Variants in GRWD1 observed in about 807,000 individuals in gnomAD.
The protein encoded by GRWD1 is glutamate-rich WD repeat-containing protein 1.
A neutral mutation model predicts 45.3 loss-of-function variants in GRWD1; 29 were observed. The ratio of observed to expected loss-of-function variants is 0.64; its 90% CI spans 0.48 to 0.87. The LOEUF (loss-of-function observed/expected upper bound fraction) is 0.87. GRWD1 is among the 40% of genes least tolerant of loss of function. GRWD1 has a pLI of 0.00. For missense variants in GRWD1, 592 were observed against 618.8 expected, an observed-to-expected ratio of 0.96 and a Z score of 0.46; for synonymous variants, 262 against 257.6, an observed-to-expected ratio of 1.02 and a Z score of -0.16.
In GRWD1 at chr19:48,450,225, T is replaced by C; in HGVS notation, c.469-88T>C. ...AGATCTGAGGAAGCGCACTTCTGGT[T>C]CTCTGGGATATGGGGAGCGTGGGGT... is the stretch of plus-strand genomic sequence containing the variant. On this transcript the variant is annotated intron_variant, in intron 3 of 6. Coordinates refer to ENST00000253237, the MANE Select transcript of GRWD1 (RefSeq NM_031485.4). This position sits in a 1 kb window ranked among gnomAD's most constrained non-coding sequence, Gnocchi z 5.1. 1 of 1,028,672 alleles carries C rather than the reference T, an allele frequency of 9.7e-7. No individual in the cohort carries two copies. Among genetic ancestry groups the C allele is most frequent in the East Asian group, 2.6e-5 (1 of 38,366 alleles). The allele number at this position is 1,028,672 out of a possible 1,614,324, so 63.7% of individuals were successfully genotyped here.
chr19:48,450,858 A>T lies in GRWD1; in HGVS notation c.825+50A>T. 6.4e-7 allele frequency: 1 copy of T among 1,560,850 alleles called. No homozygotes were observed. The highest frequency in any genetic ancestry group is 8.8e-7 in the Non-Finnish European group (1 of 1,142,574). On this transcript the variant is annotated intron_variant, in intron 5 of 6. Coordinates refer to ENST00000253237, the MANE Select transcript of GRWD1 (RefSeq NM_031485.4). This position sits in a 1 kb window ranked among gnomAD's most constrained non-coding sequence, Gnocchi z 5.1. ...GTTTAGTTCTGATGGATTCTAGGCC[A>T]GGGACCTAGAATCCTAGGTCTGAGG...
At position 48,452,333 on chromosome 19, in the gene GRWD1, G is replaced by A. The variant is rs1971484491; in HGVS notation, c.1024-375G>A. ...GGCTGGTCTCCAACTCCTGACCTCG[G>A]GTGATCCACCCGCCTTGGCCTCCCA... On this transcript the variant is annotated intron_variant, in intron 6 of 6. Coordinates refer to ENST00000253237, the MANE Select transcript of GRWD1 (RefSeq NM_031485.4). This position sits in a 1 kb window ranked among gnomAD's most constrained non-coding sequence, Gnocchi z 5.1. Among the ~76,000 whole-genome samples, 1 of 151,810 alleles carries A rather than the reference G, an allele frequency of 6.6e-6. No individual in the cohort carries two copies. The highest frequency in any genetic ancestry group is 1.5e-5 in the Non-Finnish European group (1 of 67,942).
chr19:48,446,909 A>G (rs1016765281), intron 3 of GRWD1, 66 bp downstream of exon 3: 11 of 1,319,250 alleles, frequency 8.3e-6, no homozygotes, highest in Admixed American at 4.7e-5. Context: ...CCCTGTGTCC[A>G]TAACTCCCAA....
Position 48,450,816 on chromosome 19 carries a change from A to G in GRWD1, c.825+8A>G, listed in dbSNP as rs762600271. ...TCACCGACTGAGAACACGGTGAGGG[A>G]GGGTGGGGTTCTGGTCGTTTAGTTC... On this transcript the variant is annotated splice_region_variant and intron_variant, in intron 5 of 6. Transcript: ENST00000253237. The surrounding 1 kb of genome is among the most constrained non-coding windows in gnomAD (Gnocchi z 5.1). 1 of 1,611,170 alleles carries G rather than the reference A, an allele frequency of 6.2e-7. No individual in the cohort carries two copies. The highest frequency in any genetic ancestry group is 2.2e-5 in the East Asian group (1 of 44,782).
In GRWD1 at chr19:48,452,024, C is replaced by T. The variant is rs570385726; in HGVS notation, c.1024-684C>T. Among the ~76,000 whole-genome samples, 22 of 152,208 alleles carry T rather than the reference C, an allele frequency of 1.4e-4. No homozygotes were observed. The highest frequency in any genetic ancestry group is 5.3e-4 in the African/African-American group (22 of 41,522). On this transcript the variant is annotated intron_variant, in intron 6 of 6. Transcript: ENST00000253237. This position sits in a 1 kb window ranked among gnomAD's most constrained non-coding sequence, Gnocchi z 5.1. ...TCGGCTTCCGGGGATTGTGTTTCTG[C>T]CTCCTTTGAGGCCTTTGTAGAATCT...
intron 3 of GRWD1, among the ~76,000 whole-genome samples, chr19:48,449,728 A>G (rs11083936): frequency 0.83 from 126,939 of 152,024 alleles, 53,672 homozygotes; most frequent in Non-Finnish European, 0.91. Flanking sequence ...GGCTGAGGTG[A>G]GAGGATCACT....
At position 48,450,586 on chromosome 19, in the gene GRWD1, G is replaced by C; in HGVS notation, c.682+60G>C. 1 of 1,609,950 alleles carries C rather than the reference G, an allele frequency of 6.2e-7. No homozygotes were observed. The highest frequency in any genetic ancestry group is 1.1e-5 in the South Asian group (1 of 91,016). On this transcript the variant is annotated intron_variant, in intron 4 of 6. Coordinates refer to ENST00000253237, the MANE Select transcript of GRWD1 (RefSeq NM_031485.4). This position sits in a 1 kb window ranked among gnomAD's most constrained non-coding sequence, Gnocchi z 5.1. ...TCGGGGGAGCAGGGTCTGCAACAAG[G>C]GGCCGGGCGCTTAGACTCCAAGGAG... is the stretch of plus-strand genomic sequence containing the variant.
rs1401430711 is a variant in GRWD1, at chr19:48,446,462, T to G, written c.265T>G (p.Leu89Val). ...NRTELPLTLY[L>V]CAGTQAESAQ... is the part of the protein sequence containing the mutation. ...GACAGAGCTTCCTCTTACACTTTAC[T>G]TGTGTGCTGGGACCCAGGCTGAGAG... The change falls in exon 2 of 7, where the codon TTG becomes GTG. Residue 89 changes from leucine (L) to valine (V), a missense_variant. Leu to Val is a conservative substitution (Grantham distance 32). Coordinates refer to ENST00000253237, the MANE Select transcript of GRWD1 (RefSeq NM_031485.4). 11 of 1,614,152 alleles carry G rather than the reference T, an allele frequency of 6.8e-6. No homozygotes were observed. The highest frequency in any genetic ancestry group is 9.3e-6 in the Non-Finnish European group (11 of 1,180,024).
At position 48,453,340 on chromosome 19, in the gene GRWD1, T is replaced by TTTTG. The variant is rs770421968; in HGVS notation, c.*328_*331dup. On this transcript the variant is annotated 3_prime_UTR_variant, in exon 7 of 7. Transcript: ENST00000253237. ...TGACCTGTGTCCCCAGAACCCAGTT[T>TTTTG]TTTGTTTGTTTGTTTGAGACGGAGT... The TTTTG allele has an allele frequency of 7.5e-6, 2 of 266,706 alleles. No individual in the cohort carries two copies. The allele number at this position is 266,706 out of a possible 1,614,324, so 16.5% of individuals were successfully genotyped here. A position where few individuals can be genotyped will look rare whatever the true frequency, so the allele number is the denominator to read the frequency against.
At chr19:48,448,893 T>C (rs994579643) in intron 3 of GRWD1, among the ~76,000 whole-genome samples, 2 of 152,156 alleles carry the variant, frequency 1.3e-5, no homozygotes, top group Non-Finnish European at 1.5e-5. Context: ...TGGGAGACGT[T>C]GGAGGGTTTC....
chr19:48,451,322 A>G, intron 6 of GRWD1, 91 bp downstream of exon 6: 1 of 1,140,926 alleles, frequency 8.8e-7, no homozygotes, highest in Non-Finnish European at 1.2e-6. Flanking sequence ...GAATAGTTTT[A>G]CACAACCAGA....
At chr19:48,451,369 AG>A in intron 6 of GRWD1, 138 bp downstream of exon 6, 2 of 715,410 alleles carry the variant, frequency 2.8e-6, no homozygotes, top group South Asian at 4.8e-5. Flanking sequence ...CTGCCTCTTC[AG>A]GGTACAGAGG....
rs553862322 is a variant in GRWD1, at chr19:48,452,156, G to C, written c.1024-552G>C. Reference sequence around the variant, plus strand: ...CTCTTGTTTCCCAGGCTGGAGTGCAGTGGCGCAATCTCGGCTCACTGCAAC... The same window carrying C: ...CTCTTGTTTCCCAGGCTGGAGTGCACTGGCGCAATCTCGGCTCACTGCAAC... On this transcript the variant is annotated intron_variant, in intron 6 of 6. Transcript: ENST00000253237. The surrounding 1 kb of genome is among the most constrained non-coding windows in gnomAD (Gnocchi z 5.1). 1.5e-3 allele frequency among the ~76,000 whole-genome samples: 218 copies of C among 149,650 alleles called. No homozygotes were observed. Among genetic ancestry groups the C allele is most frequent in the African/African-American group, 5.0e-3 (203 of 40,554 alleles).
chr19:48,452,752 G>A lies in GRWD1; in HGVS notation c.1068G>A (p.Val356=). 6.3e-7 allele frequency: 1 copy of A among 1,599,040 alleles called. No homozygotes were observed. Among genetic ancestry groups the A allele is most frequent in the East Asian group, 2.2e-5 (1 of 44,452 alleles). The change falls in exon 7 of 7, where the codon GTG becomes GTA. Residue 356 remains valine (V), a synonymous_variant. Coordinates refer to ENST00000253237, the MANE Select transcript of GRWD1 (RefSeq NM_031485.4). This position sits in a 1 kb window ranked among gnomAD's most constrained non-coding sequence, Gnocchi z 5.1. ...VATFKQHVAP[V]TSVEWHPQDS... ...CCTTCAAGCAGCACGTGGCCCCCGT[G>A]ACCTCCGTCGAGTGGCACCCCCAGG... is the stretch of plus-strand genomic sequence containing the variant.
In GRWD1 at chr19:48,452,160, C is replaced by T. The variant is rs564783608; in HGVS notation, c.1024-548C>T. Among the ~76,000 whole-genome samples, 248 of 149,446 alleles carry T rather than the reference C, an allele frequency of 1.7e-3. 1 individual carries two copies. The highest frequency in any genetic ancestry group is 2.9e-3 in the Non-Finnish European group (199 of 67,692). ...TGTTTCCCAGGCTGGAGTGCAGTGG[C>T]GCAATCTCGGCTCACTGCAACCTCC... On this transcript the variant is annotated intron_variant, in intron 6 of 6. Transcript: ENST00000253237. The surrounding 1 kb of genome is among the most constrained non-coding windows in gnomAD (Gnocchi z 5.1).
At position 48,446,842 on chromosome 19, in the gene GRWD1, G is replaced by C. The variant is rs1187275879; in HGVS notation, c.467G>C (p.Arg156Pro). 6.2e-7 allele frequency: 1 copy of C among 1,611,940 alleles called. No individual in the cohort carries two copies. The highest frequency in any genetic ancestry group is 8.5e-7 in the Non-Finnish European group (1 of 1,179,372). The change falls in exon 3 of 7, where the codon CGG becomes CCG. Residue 156 changes from arginine (R) to proline (P), a missense_variant and splice_region_variant. Physicochemically the swap from Arg to Pro is moderately radical, Grantham distance 103. Transcript: ENST00000253237. ...VPHYGGINRVRVSWLGEEPVA... is the reference protein window; with the variant it reads ...VPHYGGINRVPVSWLGEEPVA... ...CACTATGGTGGCATCAACCGAGTTC[G>C]GGTAAGTATGGTCCCAGGAGCCTGC...
Position 48,450,559 on chromosome 19 carries a change from G to A in GRWD1, c.682+33G>A. 1 of 1,612,136 alleles carries A rather than the reference G, an allele frequency of 6.2e-7. No individual in the cohort carries two copies. Among genetic ancestry groups the A allele is most frequent in the Non-Finnish European group, 8.5e-7 (1 of 1,178,632 alleles). On this transcript the variant is annotated intron_variant, in intron 4 of 6. Coordinates refer to ENST00000253237, the MANE Select transcript of GRWD1 (RefSeq NM_031485.4). The surrounding 1 kb of genome is among the most constrained non-coding windows in gnomAD (Gnocchi z 5.1). ...CCTGGGGTGTTCAGGAGTCCCGGGAGGTCGGGGGAGCAGGGTCTGCAACAA... is the reference window on the plus strand; with the variant it reads ...CCTGGGGTGTTCAGGAGTCCCGGGAAGTCGGGGGAGCAGGGTCTGCAACAA...
chr19:48,451,135 G>T lies in GRWD1; in HGVS notation c.927G>T (p.Gly309=). 1.2e-6 allele frequency: 2 copies of T among 1,614,056 alleles called. No homozygotes were observed. Among genetic ancestry groups the T allele is most frequent in the Non-Finnish European group, 1.7e-6 (2 of 1,179,958 alleles). Residue 309 remains glycine (G), a synonymous_variant, in exon 6 of 7, where the codon GGG becomes GGT. Transcript: ENST00000253237. ...CMLTTATAHD[G]DVNVISWSRR... ...TCACCACAGCCACCGCCCATGATGG[G>T]GACGTCAATGTCATCAGCTGGAGCC...
chr19:48,447,826 A>C (rs1310343172), intron 3 of GRWD1, among the ~76,000 whole-genome samples: 1 of 152,226 alleles, frequency 6.6e-6, no homozygotes, highest in Non-Finnish European at 1.5e-5. Flanking sequence ...ATAGTGAGTT[A>C]TAGAACTTAT....
Sources: allele counts gnomAD v4.1 joint callset (sites outside exome capture counted in the v4.1 genomes callset), GRCh38; gene constraint gnomAD v4.1.1; non-coding constraint Gnocchi (gnomAD v3.1); transcripts MANE v1.5; gene names NCBI Gene and HGNC (gene_info 2026-07-23, HGNC 2026-07-21).